The following PSME4 variants were observed in gnomAD, a reference collection of about 807,000 sequenced individuals.
PSME4 encodes the protein proteasome activator subunit 4, also known as proteasome activator complex subunit 4.
A neutral mutation model predicts 253.9 loss-of-function variants in PSME4; 89 were observed. The ratio of observed to expected loss-of-function variants is 0.35; its 90% CI spans 0.30 to 0.42. The LOEUF is 0.42. Ranked by LOEUF, PSME4 falls within the 10% of genes least tolerant of loss-of-function variation. The pLI, the probability that PSME4 is intolerant of heterozygous loss-of-function variation, is 1.00. For missense variants in PSME4, 2,014 were observed against 2,195.2 expected (o/e 0.92, Z 1.65); for synonymous variants, 851 against 759.2 (o/e 1.12, Z -1.99).
Position 53,864,087 on chromosome 2 carries a change from T to C in PSME4, c.*1491A>G, listed in dbSNP as rs748676539. The C allele has an allele frequency of 2.6e-5, 4 of 152,220 alleles. No homozygotes were observed. The highest frequency in any genetic ancestry group is 1.9e-4 in the East Asian group (1 of 5,200). The allele number at this position is 152,220 out of a possible 1,614,324, so 9.4% of individuals were successfully genotyped here. On this transcript the variant is annotated 3_prime_UTR_variant, in exon 47 of 47. Coordinates refer to ENST00000404125, the MANE Select transcript of PSME4 (RefSeq NM_014614.3). ...CCAGGTGTTAAAAAGAATCCATTTA[T>C]TGGGTTTTAAACTAGTTACACAACT...
Position 53,865,038 on chromosome 2 carries a change from C to A in PSME4, c.*540G>T, listed in dbSNP as rs1458309357. On this transcript the variant is annotated 3_prime_UTR_variant, in exon 47 of 47. Transcript: ENST00000404125. Reference sequence around the variant, plus strand: ...CACTTCTGTGTCTTGGTCGAGCAATCCATCAGGTCATTGGTTAGGTTCAGG... The same window carrying A: ...CACTTCTGTGTCTTGGTCGAGCAATACATCAGGTCATTGGTTAGGTTCAGG... 1 of 152,612 alleles carries A rather than the reference C, an allele frequency of 6.6e-6. No individual in the cohort carries two copies. The allele number at this position is 152,612 out of a possible 1,614,324, so 9.5% of individuals were successfully genotyped here. A position where few individuals can be genotyped will look rare whatever the true frequency, so the allele number is the denominator to read the frequency against.
intron 20 of PSME4, among the ~76,000 whole-genome samples, chr2:53,914,295 G>C (rs911830699): frequency 6.6e-6 from 1 of 152,094 alleles, no homozygotes; most frequent in Non-Finnish European, 1.5e-5. Flanking sequence ...TTAAAGGCAA[G>C]GGTCCAAAAT....
At chr2:53,878,511 A>G (rs910924376) in intron 41 of PSME4, among the ~76,000 whole-genome samples, 5 of 152,264 alleles carry the variant, frequency 3.3e-5, no homozygotes, top group African/African-American at 9.6e-5. Flanking sequence ...CTGGTGGAAC[A>G]GAGCCATATT....
chr2:53,927,301 TC>T (rs1668599247), intron 12 of PSME4, 92 bp downstream of exon 12: 3 of 908,362 alleles, frequency 3.3e-6, no homozygotes, highest in Non-Finnish European at 5.3e-6. Context: ...TGATTTTACT[TC>T]CAAAGTCGTT....
chr2:53,957,665 A>G lies in PSME4; in HGVS notation c.243-8382T>C, dbSNP rs79616409. 6.2e-3 allele frequency among the ~76,000 whole-genome samples: 946 copies of G among 152,292 alleles called. 9 individuals are homozygous for G. Among genetic ancestry groups the G allele is most frequent in the African/African-American group, 0.02 (845 of 41,566 alleles). On this transcript the variant is annotated intron_variant, in intron 1 of 46. Coordinates refer to ENST00000404125, the MANE Select transcript of PSME4 (RefSeq NM_014614.3). ...CGTGGCCTGGGAGATGGAGACCCCTACTTTAGAGATTCCCACCAAATAAGC... is the reference window on the plus strand; with the variant it reads ...CGTGGCCTGGGAGATGGAGACCCCTGCTTTAGAGATTCCCACCAAATAAGC...
intron 4 of PSME4, among the ~76,000 whole-genome samples, 153 bp downstream of exon 4, chr2:53,939,803 G>GT (rs1321223644): frequency 6.6e-6 from 1 of 152,130 alleles, no homozygotes; most frequent in Admixed American, 6.5e-5. Context: ...GAGAAGTTCA[G>GT]TTAATGAACT....
intron 20 of PSME4, among the ~76,000 whole-genome samples, chr2:53,917,876 T>G (rs184061232): frequency 1.3e-5 from 2 of 152,296 alleles, no homozygotes; most frequent in East Asian, 3.9e-4. Context: ...TGCGCTTATA[T>G]CAAACAACAA....
intron 27 of PSME4, among the ~76,000 whole-genome samples, chr2:53,903,779 T>C (rs1447631005): frequency 3.3e-5 from 5 of 152,184 alleles, no homozygotes; most frequent in African/African-American, 4.8e-5. Flanking sequence ...AATAACTAAA[T>C]AATGAGTCTC....
intron 44 of PSME4, among the ~76,000 whole-genome samples, chr2:53,868,420 C>A (rs1412399837): frequency 6.7e-6 from 1 of 149,118 alleles, no homozygotes. Flanking sequence ...CCACTGCACT[C>A]CAGCCTGGGT....
rs546519798 is a variant in PSME4 at position 53,933,579 on chromosome 2, G to A, written c.958-819C>T. On this transcript the variant is annotated intron_variant, in intron 8 of 46. Coordinates refer to ENST00000404125, the MANE Select transcript of PSME4 (RefSeq NM_014614.3). The stretch of plus-strand genomic sequence containing the variant: ...CTTTTGTTTTCTTGTACAGGGTCTC[G>A]CCATGTGGCCCAGGCTGGTCTCAAA... 5.9e-5 allele frequency among the ~76,000 whole-genome samples: 9 copies of A among 152,048 alleles called. No homozygotes were observed. In the South Asian group the frequency reaches 1.5e-3, roughly 25 times the overall value.
At chr2:53,914,683 C>T (rs1247150621) in intron 20 of PSME4, among the ~76,000 whole-genome samples, 3 of 152,046 alleles carry the variant, frequency 2.0e-5, no homozygotes, top group African/African-American at 7.2e-5. Context: ...GAGTTCAAGA[C>T]CAGCCCAGCC....
intron 24 of PSME4, among the ~76,000 whole-genome samples, chr2:53,907,393 T>C (rs761573432): frequency 1.3e-5 from 2 of 152,150 alleles, no homozygotes; most frequent in Non-Finnish European, 2.9e-5. Flanking sequence ...CACAGTTCCT[T>C]AGTCATTAAG....
chr2:53,953,313 G>C (rs760019192), intron 1 of PSME4, among the ~76,000 whole-genome samples: 2 of 151,764 alleles, frequency 1.3e-5, no homozygotes, highest in East Asian at 3.9e-4. Context: ...ATTTGACAAA[G>C]AACTCATATC....
In PSME4 at chr2:53,923,388, G is replaced by A; in HGVS notation, c.1841C>T (p.Thr614Ile). ...TACTCTTGTTTCAAATATATGTGAAGTAGAAAAATTAAAAACCTTCTGAAG... is the reference window on the plus strand; with the variant it reads ...TACTCTTGTTTCAAATATATGTGAAATAGAAAAATTAAAAACCTTCTGAAG... ...VALQKVFNFS[T>I]SHIFETRVAG... The change falls in exon 15 of 47, where the codon ACT (threonine) becomes ATT (isoleucine). Residue 614 changes from threonine (T) to isoleucine (I), a missense_variant. Thr to Ile is a moderately conservative substitution (Grantham distance 89, BLOSUM62 -1). Around this residue, in one of 4 missense-constraint regions of PSME4, gnomAD observed 989 missense variants for 1,021.1 expected, o/e 0.97. Coordinates refer to ENST00000404125, the MANE Select transcript of PSME4 (RefSeq NM_014614.3). 1 of 1,609,766 alleles carries A rather than the reference G, an allele frequency of 6.2e-7. No individual in the cohort carries two copies. Among genetic ancestry groups the A allele is most frequent in the Non-Finnish European group, 8.5e-7 (1 of 1,178,760 alleles).
At chr2:53,946,787 G>A (rs1445336570) in intron 3 of PSME4, among the ~76,000 whole-genome samples, 3 of 152,088 alleles carry the variant, frequency 2.0e-5, no homozygotes, top group African/African-American at 4.8e-5. Context: ...GGTGGCACAC[G>A]CCTGTGGTCC....
At chr2:53,922,153 T>C (rs1021191586) in intron 17 of PSME4, among the ~76,000 whole-genome samples, 3 of 151,772 alleles carry the variant, frequency 2.0e-5, no homozygotes, top group Non-Finnish European at 2.9e-5. Flanking sequence ...GCGTGGGCGA[T>C]AGTGAGACAA....
intron 41 of PSME4, among the ~76,000 whole-genome samples, chr2:53,879,421 G>A (rs780177640): frequency 6.6e-6 from 1 of 152,114 alleles, no homozygotes; most frequent in Non-Finnish European, 1.5e-5. Flanking sequence ...AATGAAATAA[G>A]TGAAACTCAC....
At position 53,920,257 on chromosome 2, in the gene PSME4, A is replaced by T; in HGVS notation, c.2356T>A (p.Ser786Thr). 1 of 1,613,800 alleles carries T rather than the reference A, an allele frequency of 6.2e-7. No individual in the cohort carries two copies. Residue 786 changes from serine (S) to threonine (T), a missense_variant, in exon 19 of 47, where the codon TCC becomes ACC. Physicochemically the swap from Ser to Thr is moderately conservative, Grantham distance 58. Transcript: ENST00000404125. ...EVSFAFYLLD[S>T]FLQPELVKLQ... is the part of the protein sequence containing the mutation. ...TTGACGAGCTCAGGCTGAAGAAAGGAGTCCAAAAGATAAAAGGCAAAAGAC... is the reference window on the plus strand; with the variant it reads ...TTGACGAGCTCAGGCTGAAGAAAGGTGTCCAAAAGATAAAAGGCAAAAGAC...
chr2:53,871,830 A>G (rs1433657365), intron 43 of PSME4, among the ~76,000 whole-genome samples: 1 of 152,040 alleles, frequency 6.6e-6, no homozygotes, highest in East Asian at 2.0e-4. Flanking sequence ...CCTGGCCAAC[A>G]TGGTAAAACC....
Sources: gnomAD v4.1 joint callset for allele counts (sites outside exome capture counted in the v4.1 genomes callset) on GRCh38, gnomAD v4.1.1 for gene constraint, gnomAD v4.1.1 regional missense constraint, MANE v1.5 for transcripts, NCBI Gene and HGNC (gene_info 2026-07-23, HGNC 2026-07-21) for gene names.